The following USPL1 variants were observed in gnomAD, a reference collection of about 807,000 sequenced individuals.
USPL1 encodes SUMO-specific isopeptidase USPL1.
A neutral mutation model predicts 51.5 loss-of-function variants in USPL1; 27 were observed. The ratio of observed to expected loss-of-function variants is 0.52; its 90% CI spans 0.39 to 0.72. USPL1 has a LOEUF of 0.72. Ranked by LOEUF, USPL1 falls within the 30% of genes least tolerant of loss-of-function variation. The pLI, the probability that USPL1 is intolerant of heterozygous loss-of-function variation, is 0.00. For missense variants in USPL1, 1,226 were observed against 1,268.0 expected (o/e 0.97, Z 0.50); for synonymous variants, 451 against 459.6 (o/e 0.98, Z 0.24).
rs1041340667 is a variant in USPL1 at position 30,630,843 on chromosome 13, T to C, written c.237T>C (p.Tyr79=). ...IFLCEDLQCI[Y]PLGSKSLNNL... The stretch of plus-strand genomic sequence containing the variant: ...TTATTTTTACTTTCCAGTGCATCTA[T>C]CCTTTGGGCTCTAAATCACTTAATA... The change falls in exon 4 of 9, where the codon TAT becomes TAC. Residue 79 remains tyrosine, a synonymous_variant. Coordinates refer to ENST00000255304, the MANE Select transcript of USPL1 (RefSeq NM_005800.5). 17 of 1,600,486 alleles carry C rather than the reference T, an allele frequency of 1.1e-5. No individual in the cohort carries two copies. The highest frequency in any genetic ancestry group is 1.4e-5 in the Non-Finnish European group (17 of 1,174,000).
intron 3 of USPL1, among the ~76,000 whole-genome samples, chr13:30,625,514 C>T (rs1340399916): frequency 2.1e-5 from 3 of 143,614 alleles, no homozygotes; most frequent in Admixed American, 7.2e-5. Flanking sequence ...GGTGCGATCT[C>T]GGCTCACCGC....
intron 7 of USPL1, among the ~76,000 whole-genome samples, chr13:30,648,017 T>C (rs1211541160): frequency 2.6e-5 from 4 of 152,204 alleles, no homozygotes; most frequent in African/African-American, 9.6e-5. Flanking sequence ...CCTTTTATAG[T>C]AATTGAGACT....
At chr13:30,636,009 G>A (rs895459969) in intron 4 of USPL1, among the ~76,000 whole-genome samples, 1 of 152,120 alleles carries the variant, frequency 6.6e-6, no homozygotes, top group Non-Finnish European at 1.5e-5. Flanking sequence ...AGACGTTATG[G>A]TTTTGTTAGG....
At chr13:30,640,826 G>A (rs1318937987) in intron 5 of USPL1, among the ~76,000 whole-genome samples, 1 of 152,108 alleles carries the variant, frequency 6.6e-6, no homozygotes, top group African/African-American at 2.4e-5. Context: ...GGTATAACTC[G>A]CTTGTATTAT....
At chr13:30,651,111 C>CT (rs773961864) in intron 7 of USPL1, among the ~76,000 whole-genome samples, 8 of 152,156 alleles carry the variant, frequency 5.3e-5, no homozygotes, top group Non-Finnish European at 1.2e-4. Flanking sequence ...TGCATCATCT[C>CT]TGTTCTGCAT....
intron 6 of USPL1, among the ~76,000 whole-genome samples, chr13:30,646,385 G>A (rs1361461506): frequency 6.6e-6 from 1 of 151,886 alleles, no homozygotes. Context: ...AAAAAGTTAA[G>A]TTGTATGTAT....
At chr13:30,630,452 TA>T (rs1950786743) in intron 3 of USPL1, among the ~76,000 whole-genome samples, 1 of 152,230 alleles carries the variant, frequency 6.6e-6, no homozygotes, top group Non-Finnish European at 1.5e-5. Context: ...AAAATACTTT[TA>T]AAATGTGTAG....
chr13:30,655,954 T>C (rs149369386), intron 8 of USPL1, among the ~76,000 whole-genome samples: 5 of 152,352 alleles, frequency 3.3e-5, no homozygotes, highest in Admixed American at 3.3e-4. Flanking sequence ...CTATTTCTGT[T>C]TCATAGATGT....
intron 3 of USPL1, among the ~76,000 whole-genome samples, chr13:30,624,848 C>T (rs192147399): frequency 2.0e-5 from 3 of 152,294 alleles, no homozygotes; most frequent in East Asian, 1.9e-4. Flanking sequence ...CATCTGTGGA[C>T]GGGTGTCATC....
At chr13:30,655,594 C>A (rs1163916482) in intron 8 of USPL1, among the ~76,000 whole-genome samples, 1 of 151,938 alleles carries the variant, frequency 6.6e-6, no homozygotes, top group Admixed American at 6.5e-5. Context: ...TCTGAGAAAT[C>A]TTTTTTTCAA....
In USPL1 at chr13:30,659,293, TG is replaced by T. The variant is rs756821086; in HGVS notation, c.3217del (p.Ala1073LeufsTer2). The T allele has an allele frequency of 6.2e-7, 1 of 1,614,024 alleles. No individual in the cohort carries two copies. Among genetic ancestry groups the T allele is most frequent in the South Asian group, 1.1e-5 (1 of 91,082 alleles). The part of the protein sequence containing the change: ...DEFFSSSALN[A>X]LANDTLDLPH... ...AGTTTTTTTCCTCCTCAGCATTAAA[TG>T]CTTTAGCAAATGACACATTAGACCT... On this transcript the variant is annotated frameshift_variant, in exon 9 of 9. Coordinates refer to ENST00000255304, the MANE Select transcript of USPL1 (RefSeq NM_005800.5). LOFTEE classifies it high-confidence loss of function.
chr13:30,628,224 C>T (rs1416859202), intron 3 of USPL1, among the ~76,000 whole-genome samples: 1 of 151,904 alleles, frequency 6.6e-6, no homozygotes, highest in Non-Finnish European at 1.5e-5. Context: ...GAATCAGACT[C>T]AGTACCTCAT....
At chr13:30,638,167 A>G (rs1021263892) in intron 5 of USPL1, among the ~76,000 whole-genome samples, 1 of 152,214 alleles carries the variant, frequency 6.6e-6, no homozygotes, top group Non-Finnish European at 1.5e-5. Context: ...TAGCATTTTT[A>G]ACCTCAATTG....
chr13:30,646,849 G>A (rs371783365), intron 6 of USPL1, 83 bp from the exon 7 acceptor site: 29 of 1,435,616 alleles, frequency 2.0e-5, no homozygotes, highest in African/African-American at 1.4e-4. Flanking sequence ...TCACGAAAAA[G>A]GGGAGGAATA....
At chr13:30,647,151 AC>A (rs1368381138) in intron 7 of USPL1, 94 bp downstream of exon 7, 16 of 1,331,802 alleles carry the variant, frequency 1.2e-5, no homozygotes, top group Non-Finnish European at 3.1e-6. Context: ...ACAACAACTT[AC>A]CTTTCTGAAA....
Position 30,630,928 on chromosome 13 carries a change from A to G in USPL1, c.322A>G (p.Ser108Gly). The G allele has an allele frequency of 6.2e-7, 1 of 1,614,174 alleles. No homozygotes were observed. ...HTPHKPQKRK[S>G]LESSYKDSLL... ...TCCACATAAGCCTCAGAAAAGGAAGAGCTTAGAAAGCAGCTATAAGGATTC... is the reference window on the plus strand; with the variant it reads ...TCCACATAAGCCTCAGAAAAGGAAGGGCTTAGAAAGCAGCTATAAGGATTC... The change falls in exon 4 of 9, where the codon AGC becomes GGC. Residue 108 changes from serine (S) to glycine (G), a missense_variant. By Grantham distance (56) the Ser-to-Gly change is moderately conservative. Transcript: ENST00000255304.
intron 7 of USPL1, among the ~76,000 whole-genome samples, chr13:30,648,385 T>C (rs1951045210): frequency 6.6e-6 from 1 of 152,192 alleles, no homozygotes; most frequent in South Asian, 2.1e-4. Flanking sequence ...CACTCTTTGC[T>C]GCAGTCTGCG....
chr13:30,618,411 G>T (rs181779129), intron 1 of USPL1, among the ~76,000 whole-genome samples: 1 of 152,068 alleles, frequency 6.6e-6, no homozygotes, highest in Non-Finnish European at 1.5e-5. Context: ...ACCTGACAGG[G>T]CTGGGTGCAG....
intron 4 of USPL1, among the ~76,000 whole-genome samples, chr13:30,635,215 A>G (rs2137649919): frequency 6.6e-6 from 1 of 152,298 alleles, no homozygotes; most frequent in Non-Finnish European, 1.5e-5. Context: ...GTGGCTTTTT[A>G]AAGAAATTAT....
Sources: allele counts gnomAD v4.1 joint callset (sites outside exome capture counted in the v4.1 genomes callset), GRCh38; gene constraint gnomAD v4.1.1; transcripts MANE v1.5; gene names NCBI Gene and HGNC (gene_info 2026-07-23, HGNC 2026-07-21).